The following CDH20 variants were observed in gnomAD, a reference collection of about 807,000 sequenced individuals.
CDH20 encodes the protein cadherin 20.
CDH20 carries 29 observed loss-of-function variants against 74.2 expected under a neutral mutation model. The ratio of observed to expected loss-of-function variants is 0.39; its 90% confidence interval spans 0.29 to 0.53. The LOEUF (loss-of-function observed/expected upper bound fraction) is 0.53. Ranked by LOEUF, CDH20 falls within the 20% of genes least tolerant of loss-of-function variation. The pLI is 0.69. For synonymous variants in CDH20, 469 were observed against 405.4 expected (o/e 1.16, Z -1.88); for missense variants, 988 against 1,048.3 (o/e 0.94, Z 0.79).
chr18:61,539,490 G>A (rs564781232), intron 9 of CDH20, among the ~76,000 whole-genome samples: 1 of 152,188 alleles, frequency 6.6e-6, no homozygotes, highest in East Asian at 1.9e-4. Context: ...TACCTTTTAT[G>A]GCCTAAACAG....
chr18:61,531,409 G>A (rs901215832), intron 7 of CDH20, among the ~76,000 whole-genome samples: 3 of 152,234 alleles, frequency 2.0e-5, no homozygotes, highest in Non-Finnish European at 2.9e-5. Context: ...ACATGGCTCC[G>A]TGGACCACAT....
intron 1 of CDH20, among the ~76,000 whole-genome samples, chr18:61,385,545 AG>A (rs1486321112): frequency 7.1e-6 from 1 of 140,506 alleles, no homozygotes; most frequent in Non-Finnish European, 1.5e-5. Context: ...CCATACCTCA[AG>A]GAAAAAAAAT....
chr18:61,374,141 G>T (rs534032984), intron 1 of CDH20, among the ~76,000 whole-genome samples: 79 of 152,152 alleles, frequency 5.2e-4, no homozygotes, highest in African/African-American at 1.9e-3. Flanking sequence ...AAGGGAAGGG[G>T]AAAGATTTTT....
intron 1 of CDH20, among the ~76,000 whole-genome samples, chr18:61,411,580 GTATATATATA>G (rs145701176): frequency 6.8e-4 from 102 of 149,956 alleles, no homozygotes; most frequent in Middle Eastern, 3.4e-3. Context: ...GTGTGTGTGT[GTATATATATA>G]TATATATATA....
chr18:61,336,665 CATA>C (rs1909769528), intron 1 of CDH20, among the ~76,000 whole-genome samples: 1 of 152,144 alleles, frequency 6.6e-6, no homozygotes, highest in Non-Finnish European at 1.5e-5. Flanking sequence ...TTCTTTCCCT[CATA>C]GTAGTGAGCA....
rs114592579 is a variant in CDH20 at position 61,399,684 on chromosome 18, T to C, written c.-153+65857T>C. On this transcript the variant is annotated intron_variant, in intron 1 of 11. Coordinates refer to ENST00000262717, the MANE Select transcript of CDH20 (RefSeq NM_031891.4). ...AAAATTACTCATCATTCTAATAAGT[T>C]AATATATTGGAATGGAAAAAATTTG... Among the ~76,000 whole-genome samples, 428 of 152,320 alleles carry C rather than the reference T, an allele frequency of 2.8e-3. 2 individuals carry two copies. Among genetic ancestry groups the C allele is most frequent in the African/African-American group, 9.8e-3 (409 of 41,566 alleles).
intron 1 of CDH20, among the ~76,000 whole-genome samples, chr18:61,399,006 G>C (rs951831890): frequency 6.6e-6 from 1 of 152,138 alleles, no homozygotes; most frequent in Admixed American, 6.5e-5. Flanking sequence ...GAGGAGCACA[G>C]GGTTGTCATG....
chr18:61,488,092 A>ATATATATATATG (rs1042246451), intron 1 of CDH20, among the ~76,000 whole-genome samples: 3 of 151,282 alleles, frequency 2.0e-5, no homozygotes, highest in South Asian at 2.1e-4. Context: ...ATATATATAT[A>ATATATATATATG]TATGTACGTA....
chr18:61,537,081 C>T (rs921881267), intron 8 of CDH20, among the ~76,000 whole-genome samples: 9 of 151,834 alleles, frequency 5.9e-5, no homozygotes, highest in Admixed American at 1.3e-4. Context: ...AATTGATTAA[C>T]GTAATAAACT....
At chr18:61,405,116 C>A in intron 1 of CDH20, 1 of 647,412 alleles carries the variant, frequency 1.5e-6, no homozygotes, top group South Asian at 1.4e-5. Flanking sequence ...TCTGCTTGTA[C>A]CCCAGCACAT....
At chr18:61,385,620 A>G (rs530072624) in intron 1 of CDH20, among the ~76,000 whole-genome samples, 1 of 152,294 alleles carries the variant, frequency 6.6e-6, no homozygotes, top group South Asian at 2.1e-4. Flanking sequence ...AAGAACACAA[A>G]GACCCTGTAT....
Position 61,333,455 on chromosome 18 carries a change from A to C in CDH20, c.-525A>C, listed in dbSNP as rs1021602798. ...AGCCACTCCTGCTAGGGAAGGCGCG[A>C]GGGAGGGGAAGCGGACCGCGCGCCA... On this transcript the variant is annotated 5_prime_UTR_variant, in exon 1 of 12. Transcript: ENST00000262717. The C allele has an allele frequency of 1.3e-5, 2 of 152,208 alleles. No individual in the cohort carries two copies. The highest frequency in any genetic ancestry group is 4.8e-5 in the African/African-American group (2 of 41,410). 9.4% of individuals were successfully genotyped at this position (152,208 alleles called of 1,614,324 possible). A position where few individuals can be genotyped will look rare whatever the true frequency, so the allele number is the denominator to read the frequency against.
chr18:61,340,226 C>CTTTTTTTTTTTTTTTTTT lies in CDH20; in HGVS notation c.-153+6409_-153+6410insTTTTTTTTTTTTTTTTTT, dbSNP rs59628153. On this transcript the variant is annotated intron_variant, in intron 1 of 11. Coordinates refer to ENST00000262717, the MANE Select transcript of CDH20 (RefSeq NM_031891.4). ...TGTCTTTAGCTAAATCTTCAGCCTT[C>CTTTTTTTTTTTTTTTTTT]TTTTTTTTTTAAAGGTCTGACCTTA... Among the ~76,000 whole-genome samples, 10 of 119,722 alleles carry CTTTTTTTTTTTTTTTTTT rather than the reference C, an allele frequency of 8.4e-5. 1 individual carries two copies. The highest frequency in any genetic ancestry group is 9.1e-5 in the African/African-American group (3 of 33,054). The allele number at this position is 119,722 out of a possible 152,430, so 78.5% of individuals were successfully genotyped here.
chr18:61,410,498 C>G (rs1401206537), intron 1 of CDH20, among the ~76,000 whole-genome samples: 2 of 152,118 alleles, frequency 1.3e-5, no homozygotes, highest in African/African-American at 4.8e-5. Context: ...ATCAATTTGA[C>G]CCAACAATTT....
chr18:61,445,446 C>A (rs897569287), intron 1 of CDH20, among the ~76,000 whole-genome samples: 1 of 152,090 alleles, frequency 6.6e-6, no homozygotes, highest in Non-Finnish European at 1.5e-5. Context: ...AAAAGAATAG[C>A]CACAATTTTT....
chr18:61,348,876 AATCTAGGTGTAGCTTTGT>A (rs1910216523), intron 1 of CDH20, among the ~76,000 whole-genome samples: 1 of 152,146 alleles, frequency 6.6e-6, no homozygotes, highest in South Asian at 2.1e-4. Context: ...TATTCCTTGG[AATCTAGGTGTAGCTTTGT>A]GGGGCAGTAA....
intron 1 of CDH20, among the ~76,000 whole-genome samples, chr18:61,454,808 C>T (rs1909517560): frequency 6.6e-6 from 1 of 152,120 alleles, no homozygotes; most frequent in African/African-American, 2.4e-5. Context: ...TGAACAATGC[C>T]CCTGCAGCAT....
At chr18:61,532,957 C>T (rs1278050859) in intron 7 of CDH20, among the ~76,000 whole-genome samples, 3 of 152,110 alleles carry the variant, frequency 2.0e-5, no homozygotes, top group African/African-American at 7.2e-5. Flanking sequence ...TCAAGTCTTA[C>T]CTCTTAAATT....
At chr18:61,482,443 A>G (rs1910620859) in intron 1 of CDH20, among the ~76,000 whole-genome samples, 1 of 152,038 alleles carries the variant, frequency 6.6e-6, no homozygotes, top group African/African-American at 2.4e-5. Flanking sequence ...GATGTTTCAG[A>G]CGTCTGGCCA....
Sources: allele counts gnomAD v4.1 joint callset (sites outside exome capture counted in the v4.1 genomes callset), GRCh38; gene constraint gnomAD v4.1.1; transcripts MANE v1.5; gene names NCBI Gene and HGNC (gene_info 2026-07-23, HGNC 2026-07-21).